Variants in SLC4A7 observed in about 807,000 individuals in gnomAD.
The protein encoded by SLC4A7 is solute carrier family 4 member 7.
A neutral mutation model predicts 137.6 loss-of-function variants in SLC4A7; 51 were observed. The observed-to-expected ratio is 0.37, with a 90% CI of 0.30 to 0.47. The LOEUF is 0.47. Ranked by LOEUF, SLC4A7 falls within the 20% of genes least tolerant of loss-of-function variation. The pLI, the probability that SLC4A7 is intolerant of heterozygous loss-of-function variation, is 1.00. For missense variants in SLC4A7, 1,247 were observed against 1,525.4 expected, an observed-to-expected ratio of 0.82 and a Z score of 3.04; for synonymous variants, 542 against 518.6, an observed-to-expected ratio of 1.05 and a Z score of -0.61.
intron 6 of SLC4A7, 53 bp from the exon 7 acceptor site, chr3:27,431,722 T>TA (rs1339929248): frequency 6.8e-7 from 1 of 1,460,272 alleles, no homozygotes; most frequent in Non-Finnish European, 9.1e-7. Context: ...AGAAGGCAAA[T>TA]AGAGACATTT....
At chr3:27,438,175 C>A (rs562736077) in intron 3 of SLC4A7, among the ~76,000 whole-genome samples, 1 of 151,360 alleles carries the variant, frequency 6.6e-6, no homozygotes, top group Admixed American at 6.6e-5. Context: ...CCAGCCTAGG[C>A]GACAGAGACT....
intron 3 of SLC4A7, among the ~76,000 whole-genome samples, chr3:27,445,888 T>G (rs953939534): frequency 8.0e-6 from 1 of 124,234 alleles, no homozygotes; most frequent in African/African-American, 3.2e-5. Flanking sequence ...GCTGAGATCG[T>G]GCCACCGCAC....
chr3:27,428,793 T>C (rs555807807), intron 7 of SLC4A7, among the ~76,000 whole-genome samples: 2 of 152,326 alleles, frequency 1.3e-5, no homozygotes, highest in Admixed American at 1.3e-4. Context: ...AATGTGATAA[T>C]ACTTATGTGA....
At chr3:27,472,461 TGA>T in intron 1 of SLC4A7, among the ~76,000 whole-genome samples, 1 of 151,670 alleles carries the variant, frequency 6.6e-6, no homozygotes, top group East Asian at 2.0e-4. Flanking sequence ...GGCGACAGAA[TGA>T]GACTCCATCT....
chr3:27,387,465 T>C (rs1241829276), intron 22 of SLC4A7, among the ~76,000 whole-genome samples: 2 of 152,166 alleles, frequency 1.3e-5, no homozygotes, highest in African/African-American at 4.8e-5. Flanking sequence ...CAGTTCACAA[T>C]GACACCACCC....
chr3:27,395,180 C>T (rs888425078), intron 18 of SLC4A7, 65 bp from the exon 19 acceptor site: 34 of 1,184,370 alleles, frequency 2.9e-5, no homozygotes, highest in Non-Finnish European at 4.0e-5. Flanking sequence ...ATTTCCATAA[C>T]ATAGACTTGA....
chr3:27,410,317 C>G (rs1361538906), intron 12 of SLC4A7, among the ~76,000 whole-genome samples: 1 of 152,124 alleles, frequency 6.6e-6, no homozygotes, highest in Non-Finnish European at 1.5e-5. Context: ...GTCTAGAACA[C>G]TACCTGGGAA....
At chr3:27,398,386 G>C (rs377426147) in intron 16 of SLC4A7, 33 bp from the exon 17 acceptor site, 28 of 1,566,078 alleles carry the variant, frequency 1.8e-5, no homozygotes, top group Non-Finnish European at 2.4e-5. Flanking sequence ...AGCAGAATGG[G>C]GGATTCTTAC....
intron 1 of SLC4A7, among the ~76,000 whole-genome samples, chr3:27,461,620 A>T (rs2058702260): frequency 6.6e-6 from 1 of 151,560 alleles, no homozygotes; most frequent in South Asian, 2.1e-4. Context: ...AAAAAAAAAA[A>T]AAAGAATAAA....
In SLC4A7 at chr3:27,375,741, C is replaced by CT. The variant is rs1231691877; in HGVS notation, c.*1022_*1023insA. ...TATTTTAAAATAAAATCACAGGTAA[C>CT]AAGCTATTAAATGTAATCTACAAAA... is the stretch of plus-strand genomic sequence containing the variant. On this transcript the variant is annotated 3_prime_UTR_variant, in exon 26 of 26. Coordinates refer to ENST00000454389, the MANE Select transcript of SLC4A7 (RefSeq NM_001321103.2). 6.6e-6 allele frequency: 1 copy of CT among 152,156 alleles called. No individual in the cohort carries two copies. The highest frequency in any genetic ancestry group is 2.4e-5 in the African/African-American group (1 of 41,368). The allele number at this position is 152,156 out of a possible 1,614,324, so 9.4% of individuals were successfully genotyped here.
intron 6 of SLC4A7, 122 bp downstream of exon 6, chr3:27,433,791 AAGG>A (rs1257708457): frequency 2.7e-6 from 2 of 737,564 alleles, no homozygotes; most frequent in African/African-American, 1.8e-5. Context: ...ACAAAGCAGG[AAGG>A]AGAAGTAATT....
chr3:27,441,521 G>A (rs139848634), intron 3 of SLC4A7, among the ~76,000 whole-genome samples: 53 of 152,032 alleles, frequency 3.5e-4, no homozygotes, highest in African/African-American at 1.1e-3. Flanking sequence ...TTTAAGAGAC[G>A]GTATCTGTTG....
rs992272196 is a variant in SLC4A7, at chr3:27,439,667, G to A, written c.290-2141C>T. Among the ~76,000 whole-genome samples, 7 of 152,050 alleles carry A rather than the reference G, an allele frequency of 4.6e-5. No individual in the cohort carries two copies. The East Asian group carries it at 7.7e-4, about 17-fold the overall frequency. On this transcript the variant is annotated intron_variant, in intron 3 of 25. Coordinates refer to ENST00000454389, the MANE Select transcript of SLC4A7 (RefSeq NM_001321103.2). ...GCTACCTACATGATCCTGTATCTGC[G>A]AATAAAGACCATTTTACTTTTTCAT...
intron 1 of SLC4A7, among the ~76,000 whole-genome samples, chr3:27,455,864 A>G (rs2058376229): frequency 6.6e-6 from 1 of 152,190 alleles, no homozygotes; most frequent in Non-Finnish European, 1.5e-5. Flanking sequence ...CTCAAAAAAA[A>G]ACACAAAAAA....
At chr3:27,411,841 G>C (rs2053932044) in intron 11 of SLC4A7, 93 bp from the exon 12 acceptor site, 1 of 489,798 alleles carries the variant, frequency 2.0e-6, no homozygotes, top group South Asian at 6.9e-5. Flanking sequence ...ATTTTATATT[G>C]ATTATGTATC....
At chr3:27,447,725 A>T (rs1340579399) in intron 3 of SLC4A7, among the ~76,000 whole-genome samples, 3 of 147,662 alleles carry the variant, frequency 2.0e-5, no homozygotes, top group Non-Finnish European at 3.0e-5. Context: ...TCGTCATCAG[A>T]TAACAGTCTT....
At chr3:27,396,135 T>G (rs1017202934) in intron 18 of SLC4A7, among the ~76,000 whole-genome samples, 1 of 152,196 alleles carries the variant, frequency 6.6e-6, no homozygotes, top group South Asian at 2.1e-4. Context: ...TTCTTCTTCA[T>G]GAAAACATTT....
At chr3:27,462,176 C>T (rs866954666) in intron 1 of SLC4A7, among the ~76,000 whole-genome samples, 2 of 152,102 alleles carry the variant, frequency 1.3e-5, no homozygotes, top group African/African-American at 4.8e-5. Flanking sequence ...GAGACACAGA[C>T]ACTTTTGTAC....
At position 27,376,501 on chromosome 3, in the gene SLC4A7, A is replaced by T. The variant is rs867119606; in HGVS notation, c.*263T>A. The T allele has an allele frequency of 8.2e-6, 2 of 243,582 alleles. No individual in the cohort carries two copies. Among genetic ancestry groups the T allele is most frequent in the African/African-American group, 2.2e-5 (1 of 44,690 alleles). The allele number at this position is 243,582 out of a possible 1,614,324, so 15.1% of individuals were successfully genotyped here. ...AAGTAGACTGAAAGCATTTCTCCAC[A>T]TCCTTCTATTGCAAAACAGAAAATT... On this transcript the variant is annotated 3_prime_UTR_variant, in exon 26 of 26. Transcript: ENST00000454389.
Sources: gnomAD v4.1 joint callset for allele counts (sites outside exome capture counted in the v4.1 genomes callset) on GRCh38, gnomAD v4.1.1 for gene constraint, MANE v1.5 for transcripts, NCBI Gene and HGNC (gene_info 2026-07-23, HGNC 2026-07-21) for gene names.